The following PAK1 variants were observed in gnomAD, a reference collection of about 807,000 sequenced individuals.
PAK1 encodes p21 (RAC1) activated kinase 1.
In PAK1, 29 loss-of-function variants were observed where a neutral mutation model predicts 67.4. The observed-to-expected ratio is 0.43, with a 90% CI of 0.32 to 0.59. The LOEUF (loss-of-function observed/expected upper bound fraction) is 0.59, where lower values mean the gene tolerates loss of function less well. PAK1 is among the 20% of genes least tolerant of loss of function. PAK1 has a pLI of 0.07. For missense variants in PAK1, 337 were observed against 670.7 expected (o/e 0.50, Z 5.50); for synonymous variants, 223 against 237.4 (o/e 0.94, Z 0.56).
intron 6 of PAK1, chr11:77,356,100 A>T: frequency 3.2e-6 from 1 of 314,678 alleles, no homozygotes; most frequent in Non-Finnish European, 5.8e-6. Context: ...ACAACTATCA[A>T]AAGAAATTAG....
rs1230987366 is a variant in PAK1, at chr11:77,322,968, A to G, written c.*306T>C. 4 of 596,942 alleles carry G rather than the reference A, an allele frequency of 6.7e-6. No homozygotes were observed. Among genetic ancestry groups the G allele is most frequent in the Non-Finnish European group, 5.9e-6 (2 of 336,832 alleles). 37.0% of individuals were successfully genotyped at this position (596,942 alleles called of 1,614,324 possible). A position where few individuals can be genotyped will look rare whatever the true frequency, so the allele number is the denominator to read the frequency against. Reference sequence around the variant, plus strand: ...GTGGGAGATGGTTATGAAGGAGGTGAGGATTTTGACACACGGAAGACTAGA... The same window carrying G: ...GTGGGAGATGGTTATGAAGGAGGTGGGGATTTTGACACACGGAAGACTAGA... On this transcript the variant is annotated 3_prime_UTR_variant, in exon 15 of 15. Coordinates refer to ENST00000356341, the MANE Select transcript of PAK1 (RefSeq NM_002576.5).
chr11:77,440,292 G>A (rs1356568646), intron 1 of PAK1, among the ~76,000 whole-genome samples: 1 of 152,116 alleles, frequency 6.6e-6, no homozygotes, highest in Non-Finnish European at 1.5e-5. Context: ...CCTAGCTACT[G>A]AGGAGGCGGA....
intron 14 of PAK1, among the ~76,000 whole-genome samples, chr11:77,324,772 CACACAGAGAGAGAGAGAG>C (rs1484589182): frequency 8.4e-6 from 1 of 119,184 alleles, no homozygotes; most frequent in East Asian, 3.4e-4. Flanking sequence ...CACACACACA[CACACAGAGAGAGAGAGAG>C]ACAGAGAGAG....
chr11:77,340,817 T>C (rs1591761914), intron 10 of PAK1, 54 bp from the exon 11 acceptor site: 6 of 953,214 alleles, frequency 6.3e-6, no homozygotes, highest in Admixed American at 1.7e-5. Context: ...CACTGAGCCA[T>C]AGCACTGGGT....
intron 14 of PAK1, among the ~76,000 whole-genome samples, chr11:77,331,118 TA>T: frequency 6.6e-6 from 1 of 152,262 alleles, no homozygotes. Context: ...TGGCGATCAT[TA>T]AAAAGTCAGG....
chr11:77,523,398 G>A, the PAK1 span, among the ~76,000 whole-genome samples: 1 of 150,930 alleles, frequency 6.6e-6, no homozygotes, highest in Non-Finnish European at 1.5e-5. Flanking sequence ...GCACATGAGG[G>A]TTTATCATTC....
chr11:77,382,873 G>A (rs535930500), intron 2 of PAK1, among the ~76,000 whole-genome samples: 4 of 152,196 alleles, frequency 2.6e-5, no homozygotes, highest in East Asian at 1.9e-4. Flanking sequence ...AGACACATGC[G>A]TGTAATCCCA....
At chr11:77,427,774 G>T (rs905759332) in intron 1 of PAK1, among the ~76,000 whole-genome samples, 5 of 152,154 alleles carry the variant, frequency 3.3e-5, no homozygotes, top group Non-Finnish European at 5.9e-5. Context: ...GAAAAAAAGG[G>T]GACTGTTTAT....
chr11:77,529,234 A>G, the PAK1 span, among the ~76,000 whole-genome samples: 1 of 152,230 alleles, frequency 6.6e-6, no homozygotes, highest in African/African-American at 2.4e-5. Context: ...TAAGACTATC[A>G]GCATTCTGCC....
chr11:77,430,709 T>C (rs1388371379), intron 1 of PAK1, among the ~76,000 whole-genome samples: 1 of 152,246 alleles, frequency 6.6e-6, no homozygotes, highest in Non-Finnish European at 1.5e-5. Context: ...TTAATCTCTT[T>C]GAACTGGAAT....
At chr11:77,324,172 C>CTTTTTTTTTTT (rs11324143) in intron 14 of PAK1, among the ~76,000 whole-genome samples, 2 of 127,434 alleles carry the variant, frequency 1.6e-5, no homozygotes, top group African/African-American at 3.1e-5. Flanking sequence ...AAAGCAATTC[C>CTTTTTTTTTTT]TTTTTTTTTT....
chr11:77,341,269 T>C (rs1239202325), intron 10 of PAK1, among the ~76,000 whole-genome samples: 2 of 152,140 alleles, frequency 1.3e-5, no homozygotes, highest in African/African-American at 4.8e-5. Context: ...GCACAGCAGA[T>C]GCCAATATTT....
rs901018087 is a variant in PAK1, at chr11:77,392,422, G to C, written c.99C>G (p.Thr33=). ...MIGAGSKDAG[T]LNHGSKPLPP... ...GCAGAGGTTTAGAACCATGGTTTAG[G>C]GTTCCAGCATCTTTGCTGCCGGCTC... Residue 33 remains threonine (T), a synonymous_variant, in exon 2 of 15, where the codon ACC becomes ACG. Transcript: ENST00000356341. 1 of 1,613,974 alleles carries C rather than the reference G, an allele frequency of 6.2e-7. No homozygotes were observed. The highest frequency in any genetic ancestry group is 1.1e-5 in the South Asian group (1 of 91,072).
chr11:77,518,769 A>G, the PAK1 span, among the ~76,000 whole-genome samples: 4 of 152,100 alleles, frequency 2.6e-5, no homozygotes, highest in Non-Finnish European at 4.4e-5. Flanking sequence ...AACTTTTCCC[A>G]TTTATTTTGT....
intron 1 of PAK1, among the ~76,000 whole-genome samples, chr11:77,404,558 C>T (rs1953191724): frequency 2.0e-5 from 3 of 152,178 alleles, no homozygotes; most frequent in Admixed American, 2.0e-4. Flanking sequence ...TGAGCCACTG[C>T]ACCCGGCCAA....
At chr11:77,429,439 G>C (rs1955757240) in intron 1 of PAK1, among the ~76,000 whole-genome samples, 2 of 152,156 alleles carry the variant, frequency 1.3e-5, no homozygotes. Flanking sequence ...TAACTTCACA[G>C]TGAAGAAGGC....
intron 5 of PAK1, among the ~76,000 whole-genome samples, chr11:77,362,746 G>A (rs896160250): frequency 2.6e-5 from 4 of 151,990 alleles, no homozygotes; most frequent in African/African-American, 7.3e-5. Context: ...ATTAGAAAGT[G>A]CTCAGTATAG....
At chr11:77,512,655 T>C in the PAK1 span, among the ~76,000 whole-genome samples, 2 of 152,232 alleles carry the variant, frequency 1.3e-5, no homozygotes, top group African/African-American at 2.4e-5. Context: ...CGAGGTTTCC[T>C]ACTATGCTAT....
chr11:77,482,245 T>C, the PAK1 span, among the ~76,000 whole-genome samples: 1 of 152,010 alleles, frequency 6.6e-6, no homozygotes, highest in South Asian at 2.1e-4. Flanking sequence ...AGCCTCAGCT[T>C]CCCAAAGTGC....
Sources: gnomAD v4.1 joint callset for allele counts (sites outside exome capture counted in the v4.1 genomes callset) on GRCh38, gnomAD v4.1.1 for gene constraint, MANE v1.5 for transcripts, NCBI Gene and HGNC (gene_info 2026-07-23, HGNC 2026-07-21) for gene names.